The following KCTD8 variants were observed in gnomAD, a reference collection of about 807,000 sequenced individuals.
The protein encoded by KCTD8 is potassium channel tetramerization domain containing 8.
Under a neutral mutation model 31.5 loss-of-function variants are expected in KCTD8, and 27 were observed. The ratio of observed to expected loss-of-function variants is 0.86; its 90% CI spans 0.63 to 1.18. KCTD8 has a LOEUF of 1.18. Among genes scored for constraint, KCTD8 ranks in the 50% most tolerant of loss-of-function variants. KCTD8 has a pLI of 0.00. For missense variants in KCTD8, 658 were observed against 647.7 expected, an observed-to-expected ratio of 1.02 and a Z score of -0.17; for synonymous variants, 290 against 280.0, an observed-to-expected ratio of 1.04 and a Z score of -0.36.
intron 1 of KCTD8, among the ~76,000 whole-genome samples, chr4:44,182,317 T>C (rs1713448712): frequency 6.6e-6 from 1 of 152,322 alleles, no homozygotes; most frequent in East Asian, 1.9e-4. Context: ...GAACGGGCCA[T>C]GATGAAGATG....
intron 1 of KCTD8, among the ~76,000 whole-genome samples, chr4:44,186,629 C>G (rs1002460475): frequency 6.6e-6 from 1 of 152,222 alleles, no homozygotes; most frequent in Non-Finnish European, 1.5e-5. Flanking sequence ...CCACACTCCC[C>G]ACGACCTGCC....
At chr4:44,234,508 G>A (rs1045411744) in intron 1 of KCTD8, among the ~76,000 whole-genome samples, 1 of 152,172 alleles carries the variant, frequency 6.6e-6, no homozygotes, top group Non-Finnish European at 1.5e-5. Context: ...AGTAGGAGCT[G>A]CTTTTTCTCT....
chr4:44,321,771 T>C (rs1718302420), intron 1 of KCTD8, among the ~76,000 whole-genome samples: 1 of 152,130 alleles, frequency 6.6e-6, no homozygotes, highest in African/African-American at 2.4e-5. Context: ...CTTTCCTTTG[T>C]AGCCTCTGCT....
At chr4:44,380,676 C>T (rs1720042595) in intron 1 of KCTD8, among the ~76,000 whole-genome samples, 1 of 151,930 alleles carries the variant, frequency 6.6e-6, no homozygotes, top group Non-Finnish European at 1.5e-5. Context: ...CATCTGCAAT[C>T]ATAAATACAG....
chr4:44,386,853 T>G (rs1012849941), intron 1 of KCTD8, among the ~76,000 whole-genome samples: 1 of 151,474 alleles, frequency 6.6e-6, no homozygotes, highest in African/African-American at 2.4e-5. Flanking sequence ...ACCTAAATGT[T>G]CATCAACAGA....
At chr4:44,316,686 C>T (rs973182912) in intron 1 of KCTD8, among the ~76,000 whole-genome samples, 1 of 148,448 alleles carries the variant, frequency 6.7e-6, no homozygotes, top group African/African-American at 2.5e-5. Context: ...CGTGGTGGCT[C>T]ATGCCTGTAA....
At chr4:44,244,771 T>G (rs1295689534) in intron 1 of KCTD8, among the ~76,000 whole-genome samples, 1 of 149,868 alleles carries the variant, frequency 6.7e-6, no homozygotes, top group Admixed American at 6.6e-5. Context: ...ATTCCTTGCT[T>G]GGTTTCCTCA....
chr4:44,264,367 G>A (rs1004363055), intron 1 of KCTD8, among the ~76,000 whole-genome samples: 4 of 152,130 alleles, frequency 2.6e-5, no homozygotes, highest in African/African-American at 9.7e-5. Context: ...AACTAGAGTT[G>A]GAATTGTATT....
chr4:44,335,899 C>G (rs568160510), intron 1 of KCTD8, among the ~76,000 whole-genome samples: 128 of 151,822 alleles, frequency 8.4e-4, no homozygotes, highest in African/African-American at 2.9e-3. Flanking sequence ...GCCTGTAATC[C>G]CAGCACTTTG....
At chr4:44,200,727 T>C (rs1440951951) in intron 1 of KCTD8, among the ~76,000 whole-genome samples, 1 of 152,052 alleles carries the variant, frequency 6.6e-6, no homozygotes. Flanking sequence ...GCTTAAATCA[T>C]TGCCCTTGAG....
intron 1 of KCTD8, among the ~76,000 whole-genome samples, chr4:44,320,197 AAAGAG>A (rs1560425455): frequency 6.8e-6 from 1 of 147,160 alleles, no homozygotes; most frequent in Middle Eastern, 3.3e-3. Flanking sequence ...AAAAAAAAAA[AAAGAG>A]AGAGAGAATT....
At chr4:44,276,805 G>T (rs530345277) in intron 1 of KCTD8, among the ~76,000 whole-genome samples, 4 of 151,940 alleles carry the variant, frequency 2.6e-5, no homozygotes, top group African/African-American at 7.2e-5. Flanking sequence ...TAAAATTAAA[G>T]AATGAATTGA....
chr4:44,259,880 AC>A (rs951747872), intron 1 of KCTD8, among the ~76,000 whole-genome samples: 71 of 152,004 alleles, frequency 4.7e-4, no homozygotes, highest in African/African-American at 1.6e-3. Flanking sequence ...CTCCCAAAAA[AC>A]AATCCTTAAA....
At chr4:44,444,406 G>T (rs1241278407) in intron 1 of KCTD8, among the ~76,000 whole-genome samples, 1 of 152,140 alleles carries the variant, frequency 6.6e-6, no homozygotes, top group East Asian at 1.9e-4. Context: ...TCATAATTCT[G>T]AAAGTATAGT....
intron 1 of KCTD8, among the ~76,000 whole-genome samples, chr4:44,267,689 C>T (rs1335082484): frequency 6.6e-6 from 1 of 151,914 alleles, no homozygotes; most frequent in Admixed American, 6.6e-5. Flanking sequence ...CAAATAGATG[C>T]AATAAAAAAT....
intron 1 of KCTD8, 101 bp from the exon 2 acceptor site, chr4:44,175,351 C>T: frequency 1.4e-6 from 1 of 720,640 alleles, no homozygotes; most frequent in Non-Finnish European, 2.1e-6. Flanking sequence ...AAACCAAGAA[C>T]ATTTATTTTA....
intron 1 of KCTD8, among the ~76,000 whole-genome samples, chr4:44,231,744 G>T (rs1715123541): frequency 6.6e-6 from 1 of 152,072 alleles, no homozygotes; most frequent in African/African-American, 2.4e-5. Context: ...CTCCTATGAA[G>T]AAATTTTTCT....
chr4:44,445,674 A>C (rs1262144637), intron 1 of KCTD8, among the ~76,000 whole-genome samples: 2 of 152,200 alleles, frequency 1.3e-5, no homozygotes, highest in Non-Finnish European at 1.5e-5. Context: ...AGAAAAACCA[A>C]AACCAAGTAA....
chr4:44,347,804 A>C (rs1719072964), intron 1 of KCTD8, among the ~76,000 whole-genome samples: 1 of 152,204 alleles, frequency 6.6e-6, no homozygotes, highest in African/African-American at 2.4e-5. Context: ...TATATGCATA[A>C]AACGGAATCA....
Sources: allele counts gnomAD v4.1 joint callset (sites outside exome capture counted in the v4.1 genomes callset), GRCh38; gene constraint gnomAD v4.1.1; transcripts MANE v1.5; gene names NCBI Gene and HGNC (gene_info 2026-07-23, HGNC 2026-07-21).